Variants in SPACDR observed in about 807,000 individuals in gnomAD.
SPACDR encodes sperm acrosome developmental regulator.
At chr7:100,461,237 C>T in the SPACDR span, among the ~76,000 whole-genome samples, 1 of 152,080 alleles carries the variant, frequency 6.6e-6, no homozygotes, top group Admixed American at 6.6e-5. Context: ...CGGTGCACCA[C>T]CACACCCCAC....
the SPACDR span, chr7:100,456,820 G>C: frequency 4.3e-6 from 7 of 1,613,126 alleles, no homozygotes; most frequent in Non-Finnish European, 5.9e-6. Context: ...GCATGGCATC[G>C]GACGTGGTGC....
the SPACDR span, among the ~76,000 whole-genome samples, chr7:100,462,797 G>T: frequency 6.8e-6 from 1 of 147,910 alleles, no homozygotes; most frequent in African/African-American, 2.5e-5. Flanking sequence ...ATAGGCATGA[G>T]CCACCATGCC....
At chr7:100,457,801 ATATG>A in the SPACDR span, among the ~76,000 whole-genome samples, 17 of 74,376 alleles carry the variant, frequency 2.3e-4, no homozygotes, top group East Asian at 1.7e-3. Context: ...TTATATATAT[ATATG>A]TGTGTGTGTG....
chr7:100,460,858 T>C, the SPACDR span, among the ~76,000 whole-genome samples: 10 of 152,054 alleles, frequency 6.6e-5, no homozygotes, highest in African/African-American at 2.2e-4. Flanking sequence ...CAGGCTGGGC[T>C]GAACAAGCTT....
the SPACDR span, among the ~76,000 whole-genome samples, chr7:100,462,280 C>A: frequency 6.6e-6 from 1 of 151,876 alleles, no homozygotes; most frequent in East Asian, 1.9e-4. Context: ...GTGGTGCTAT[C>A]TCGGCTCACT....
At chr7:100,457,857 A>ATTTT in the SPACDR span, among the ~76,000 whole-genome samples, 4 of 88,342 alleles carry the variant, frequency 4.5e-5, no homozygotes, top group African/African-American at 2.0e-4. Context: ...ATATATATAT[A>ATTTT]TTTTTTTTTT....
At chr7:100,458,909 GAGA>G in the SPACDR span, among the ~76,000 whole-genome samples, 1 of 151,814 alleles carries the variant, frequency 6.6e-6, no homozygotes, top group Non-Finnish European at 1.5e-5. Context: ...CCTGGGCAAT[GAGA>G]GTGAAACTCC....
the SPACDR span, among the ~76,000 whole-genome samples, chr7:100,460,789 A>G: frequency 1.3e-5 from 2 of 151,554 alleles, no homozygotes; most frequent in Admixed American, 6.6e-5. Context: ...GACTACAGGC[A>G]TGCATCATGC....
chr7:100,464,195 C>A, the SPACDR span: 26 of 1,477,400 alleles, frequency 1.8e-5, no homozygotes, highest in Non-Finnish European at 2.3e-5. Context: ...TGGGGGAAGC[C>A]CCTCCTGGCA....
At chr7:100,459,159 A>G in the SPACDR span, among the ~76,000 whole-genome samples, 422 of 141,398 alleles carry the variant, frequency 3.0e-3, 2 homozygotes, top group African/African-American at 0.011. Context: ...GCCTGCCACC[A>G]CGCCTGGCTA....
At chr7:100,460,678 T>G in the SPACDR span, among the ~76,000 whole-genome samples, 1 of 150,414 alleles carries the variant, frequency 6.6e-6, no homozygotes, top group African/African-American at 2.4e-5. Flanking sequence ...TTTTTGAGAG[T>G]GTCTCACTGC....
At chr7:100,463,791 T>C in the SPACDR span, 2 of 1,253,832 alleles carry the variant, frequency 1.6e-6, no homozygotes, top group Non-Finnish European at 2.3e-6. Context: ...GTGAGTTTCC[T>C]GGCCTCTCTT....
the SPACDR span, among the ~76,000 whole-genome samples, chr7:100,459,739 C>T: frequency 6.6e-6 from 1 of 152,134 alleles, no homozygotes; most frequent in South Asian, 2.1e-4. Context: ...GCTAGGATCA[C>T]AGGTGTGTCG....
chr7:100,459,252 C>T, the SPACDR span, among the ~76,000 whole-genome samples: 2 of 151,626 alleles, frequency 1.3e-5, no homozygotes, highest in African/African-American at 2.4e-5. Context: ...CCTCGAGATC[C>T]GCCTGCCTCG....
chr7:100,459,613 TTTTA>T, the SPACDR span, among the ~76,000 whole-genome samples: 2 of 151,296 alleles, frequency 1.3e-5, no homozygotes, highest in Non-Finnish European at 3.0e-5. Context: ...CTTTTTAGAA[TTTTA>T]TTTATTTGTG....
At chr7:100,461,299 G>A in the SPACDR span, among the ~76,000 whole-genome samples, 1 of 152,138 alleles carries the variant, frequency 6.6e-6, no homozygotes, top group African/African-American at 2.4e-5. Flanking sequence ...TGTCGGCCAG[G>A]CTGGTCCTAA....
chr7:100,460,626 C>A, the SPACDR span, among the ~76,000 whole-genome samples: 1 of 151,226 alleles, frequency 6.6e-6, no homozygotes, highest in Admixed American at 6.6e-5. Context: ...AAATGACCAT[C>A]CTGTTTTCCA....
chr7:100,462,252 C>T, the SPACDR span, among the ~76,000 whole-genome samples: 4 of 151,208 alleles, frequency 2.6e-5, no homozygotes, highest in African/African-American at 7.3e-5. Flanking sequence ...CTCGCTCTGT[C>T]GCCCAGGCTG....
chr7:100,456,870 T>C, the SPACDR span: 1 of 1,613,552 alleles, frequency 6.2e-7, no homozygotes, highest in Non-Finnish European at 8.5e-7. Flanking sequence ...CCGGCGCAGG[T>C]GTTTCCGAAC....
Sources: gnomAD v4.1 joint callset for allele counts (sites outside exome capture counted in the v4.1 genomes callset) on GRCh38, gnomAD v4.1.1 for gene constraint, MANE v1.5 for transcripts, NCBI Gene and HGNC (gene_info 2026-07-23, HGNC 2026-07-21) for gene names.